COL25A1: variants seen among roughly 807,000 people sequenced by gnomAD.
The protein encoded by COL25A1 is collagen type XXV alpha 1 chain.
A neutral mutation model predicts 128.4 loss-of-function variants in COL25A1; 103 were observed. The ratio of observed to expected loss-of-function variants is 0.80; its 90% CI spans 0.68 to 0.94. The LOEUF (loss-of-function observed/expected upper bound fraction) is 0.94, where lower values mean the gene tolerates loss of function less well. COL25A1 is among the 40% of genes least tolerant of loss of function. The pLI, the probability that COL25A1 is intolerant of heterozygous loss-of-function variation, is 0.00. For missense variants in COL25A1, 745 were observed against 840.0 expected (o/e 0.89, Z 1.40); for synonymous variants, 279 against 277.2 (o/e 1.01, Z -0.06).
At chr4:108,993,519 ATT>A (rs1258816927) in intron 6 of COL25A1, among the ~76,000 whole-genome samples, 1 of 152,184 alleles carries the variant, frequency 6.6e-6, no homozygotes, top group Non-Finnish European at 1.5e-5. Flanking sequence ...CATATGTACC[ATT>A]TACAACTCAA....
chr4:109,002,061 A>G (rs994733314), intron 6 of COL25A1, among the ~76,000 whole-genome samples: 1 of 152,208 alleles, frequency 6.6e-6, no homozygotes, highest in Non-Finnish European at 1.5e-5. Context: ...AAAGATAACA[A>G]GTGTTGGTAA....
intron 5 of COL25A1, among the ~76,000 whole-genome samples, chr4:109,026,131 CACACAT>C (rs1758251540): frequency 6.6e-6 from 1 of 151,774 alleles, no homozygotes; most frequent in South Asian, 2.1e-4. Context: ...CACACACACA[CACACAT>C]ATACTCTTAA....
intron 5 of COL25A1, among the ~76,000 whole-genome samples, chr4:109,039,466 GA>G (rs1759659454): frequency 6.6e-6 from 1 of 152,064 alleles, no homozygotes; most frequent in Non-Finnish European, 1.5e-5. Context: ...TAACCTCTTG[GA>G]AAATACACAC....
At chr4:109,139,553 T>C (rs372604982) in intron 3 of COL25A1, among the ~76,000 whole-genome samples, 1 of 152,230 alleles carries the variant, frequency 6.6e-6, no homozygotes, top group East Asian at 1.9e-4. Flanking sequence ...TAGCCAGTTT[T>C]CTCAACACCA....
chr4:109,053,452 G>A (rs972590312), intron 3 of COL25A1, among the ~76,000 whole-genome samples: 3 of 152,240 alleles, frequency 2.0e-5, no homozygotes, highest in Non-Finnish European at 4.4e-5. Context: ...ACTTGAAAAG[G>A]CTCTTCTCTA....
chr4:109,057,607 T>A (rs533515730), intron 3 of COL25A1, among the ~76,000 whole-genome samples: 1 of 151,990 alleles, frequency 6.6e-6, no homozygotes, highest in Admixed American at 6.6e-5. Context: ...GTGAAAATTT[T>A]AACAATTGCC....
intron 13 of COL25A1, among the ~76,000 whole-genome samples, chr4:108,912,194 A>G (rs1744313938): frequency 6.6e-6 from 1 of 152,164 alleles, no homozygotes; most frequent in South Asian, 2.1e-4. Context: ...TGTATAAATC[A>G]TTCCCAGGAA....
chr4:108,910,126 TATATCC>T (rs1744033849), intron 13 of COL25A1, among the ~76,000 whole-genome samples: 1 of 152,204 alleles, frequency 6.6e-6, no homozygotes, highest in South Asian at 2.1e-4. Context: ...TCCTTGAAAA[TATATCC>T]ATTTTTAAAG....
At position 109,098,936 on chromosome 4, in the gene COL25A1, T is replaced by TAGC. The variant is rs1246139292; in HGVS notation, c.368-48760_368-48758dup. On this transcript the variant is annotated intron_variant, in intron 3 of 37. Transcript: ENST00000399132. ...TTGGTTCACTTCTGGCTCCAGTACT[T>TAGC]AGCAGTTCTGTGAGCTTGGATATCA... Among the ~76,000 whole-genome samples the TAGC allele has an allele frequency of 4.6e-5, 7 of 152,302 alleles. No individual in the cohort carries two copies. The East Asian group carries it at 1.2e-3, about 25-fold the overall frequency.
chr4:108,845,216 A>T lies in COL25A1; in HGVS notation c.1551T>A (p.Ser517=), dbSNP rs766900690. The T allele has an allele frequency of 3.7e-6, 6 of 1,613,910 alleles. No individual in the cohort carries two copies. The African/African-American group carries it at 6.7e-5, about 18-fold the overall frequency. The change falls in exon 29 of 38, where the codon TCT becomes TCA. Residue 517 remains serine (S), a synonymous_variant. Coordinates refer to ENST00000399132, the MANE Select transcript of COL25A1 (RefSeq NM_198721.4). The part of the protein sequence containing the change: ...ANGMKGEKGD[S]GMPGPQGPSI... ...AAGGACCCTGTGGACCCGGCATTCC[A>T]GAATCTCCTTTTTCTCCTTTCATTC...
chr4:108,961,270 A>G (rs950387168), intron 8 of COL25A1, among the ~76,000 whole-genome samples: 1 of 152,200 alleles, frequency 6.6e-6, no homozygotes, highest in Non-Finnish European at 1.5e-5. Flanking sequence ...GTAAGTATTC[A>G]CACACAGAGA....
At chr4:108,944,271 C>T (rs1430186419) in intron 8 of COL25A1, among the ~76,000 whole-genome samples, 1 of 152,122 alleles carries the variant, frequency 6.6e-6, no homozygotes, top group Non-Finnish European at 1.5e-5. Context: ...ATAGATTCTG[C>T]ATAAATTCAG....
At chr4:108,947,411 C>T (rs914188531) in intron 8 of COL25A1, among the ~76,000 whole-genome samples, 3 of 150,198 alleles carry the variant, frequency 2.0e-5, no homozygotes, top group Admixed American at 6.6e-5. Context: ...TGTTGCACTC[C>T]AGCTTGGGCA....
At position 108,913,261 on chromosome 4, in the gene COL25A1, C is replaced by CTTTTTTTTTTTTTTTTT. The variant is rs201929872; in HGVS notation, c.780+4894_780+4910dup. ...TTTGTGTGGTCTCTGTCTCTAGCTC[C>CTTTTTTTTTTTTTTTTT]TTTTTTTTTTTTTTTTTTTTTTAAG... On this transcript the variant is annotated intron_variant, in intron 13 of 37. Coordinates refer to ENST00000399132, the MANE Select transcript of COL25A1 (RefSeq NM_198721.4). Among the ~76,000 whole-genome samples the CTTTTTTTTTTTTTTTTT allele has an allele frequency of 1.9e-3, 175 of 92,396 alleles. 36 individuals are homozygous for CTTTTTTTTTTTTTTTTT. The highest frequency in any genetic ancestry group is 7.7e-3 in the South Asian group (11 of 1,436). The allele number at this position is 92,396 out of a possible 152,430, so 60.6% of individuals were successfully genotyped here. A position where few individuals can be genotyped will look rare whatever the true frequency, so the allele number is the denominator to read the frequency against.
chr4:108,864,622 G>C (rs958404204), intron 20 of COL25A1, among the ~76,000 whole-genome samples: 5 of 152,194 alleles, frequency 3.3e-5, no homozygotes, highest in Non-Finnish European at 7.4e-5. Context: ...AAGGATTAAG[G>C]AGTAATGTAA....
intron 3 of COL25A1, among the ~76,000 whole-genome samples, chr4:109,246,923 T>C (rs1307944719): frequency 6.6e-6 from 1 of 152,160 alleles, no homozygotes; most frequent in Non-Finnish European, 1.5e-5. Flanking sequence ...AACAAATTAT[T>C]TCTATATAGG....
chr4:109,211,220 T>TG lies in COL25A1; in HGVS notation c.367+89362_367+89363insC, dbSNP rs1332055599. ...AAATATTTTTAAATACATATATATA[T>TG]ATTGTGTGTGTGTATGTATATATAT... On this transcript the variant is annotated intron_variant, in intron 3 of 37. Transcript: ENST00000399132. 3.4e-3 allele frequency among the ~76,000 whole-genome samples: 342 copies of TG among 100,838 alleles called. 5 individuals are homozygous for TG. Among genetic ancestry groups the TG allele is most frequent in the Non-Finnish European group, 9.8e-4 (57 of 58,072 alleles). The allele number at this position is 100,838 out of a possible 152,430, so 66.2% of individuals were successfully genotyped here.
chr4:108,984,835 C>A (rs977671628), intron 6 of COL25A1, among the ~76,000 whole-genome samples: 9 of 152,250 alleles, frequency 5.9e-5, no homozygotes, highest in Non-Finnish European at 7.3e-5. Context: ...TCCTCAAGTG[C>A]CGCCAAAGTG....
chr4:109,207,454 C>CT (rs779778181), intron 3 of COL25A1, among the ~76,000 whole-genome samples: 3 of 152,144 alleles, frequency 2.0e-5, no homozygotes, highest in Admixed American at 6.5e-5. Flanking sequence ...ACTCTCACTC[C>CT]TGATGGCTTG....
Sources: gnomAD v4.1 joint callset for allele counts (sites outside exome capture counted in the v4.1 genomes callset) on GRCh38, gnomAD v4.1.1 for gene constraint, MANE v1.5 for transcripts, NCBI Gene and HGNC (gene_info 2026-07-23, HGNC 2026-07-21) for gene names.